Variants in TMED3 observed in about 807,000 individuals in gnomAD.
TMED3 encodes transmembrane emp24 domain-containing protein 3.
TMED3 carries 9 observed loss-of-function variants against 15.0 expected under a neutral mutation model. The observed-to-expected ratio is 0.60, with a 90% confidence interval of 0.36 to 1.04. The LOEUF (loss-of-function observed/expected upper bound fraction) is 1.04, where lower values mean the gene tolerates loss of function less well. TMED3 is among the 50% of genes least tolerant of loss of function. The probability of loss-of-function intolerance (pLI) is 0.01; values close to 1 mark genes in which losing one functional copy is unlikely to be tolerated. For synonymous variants in TMED3, 117 were observed against 121.4 expected, an observed-to-expected ratio of 0.96 and a Z score of 0.24; for missense variants, 267 against 278.9, an observed-to-expected ratio of 0.96 and a Z score of 0.30.
At chr15:79,389,811 G>T (rs1893674247) in intron 2 of TMED3, among the ~76,000 whole-genome samples, 1 of 152,026 alleles carries the variant, frequency 6.6e-6, no homozygotes, top group Non-Finnish European at 1.5e-5. Context: ...TGCCTCCTTA[G>T]TTGGGTATAT....
rs534912852 is a variant in TMED3, at chr15:79,349,551, G to A, written c.417+35546G>A. On this transcript the variant is annotated intron_variant, in intron 2 of 2. Transcript: ENST00000424155. The stretch of plus-strand genomic sequence containing the variant: ...AAAATTTAATTTAATTATCCTATTC[G>A]TCTCTCCCTAAAAACCTACCACTAC... Among the ~76,000 whole-genome samples, 25 of 152,060 alleles carry A rather than the reference G, an allele frequency of 1.6e-4. No individual in the cohort carries two copies. The South Asian group carries it at 1.7e-3, about 10-fold the overall frequency.
At chr15:79,319,766 G>A (rs562165216) in intron 2 of TMED3, among the ~76,000 whole-genome samples, 1 of 152,292 alleles carries the variant, frequency 6.6e-6, no homozygotes, top group South Asian at 2.1e-4. Flanking sequence ...TGGACAGGGG[G>A]CCCTTCCCTG....
downstream of TMED3, among the ~76,000 whole-genome samples, chr15:79,324,737 C>G (rs1024486922): frequency 6.6e-6 from 1 of 152,140 alleles, no homozygotes; most frequent in Non-Finnish European, 1.5e-5. Context: ...CTATTTGCAT[C>G]TGGATTTTCT....
At chr15:79,339,622 T>G (rs967700438) in intron 2 of TMED3, among the ~76,000 whole-genome samples, 2 of 152,094 alleles carry the variant, frequency 1.3e-5, no homozygotes, top group Non-Finnish European at 2.9e-5. Context: ...AGGGTGGCAG[T>G]GATGGTGGCG....
intron 2 of TMED3, among the ~76,000 whole-genome samples, chr15:79,331,452 T>G (rs944773672): frequency 1.4e-5 from 2 of 146,626 alleles, no homozygotes; most frequent in Non-Finnish European, 3.0e-5. Context: ...ATGTTAAAAC[T>G]ATTAGAAGAA....
intron 2 of TMED3, among the ~76,000 whole-genome samples, chr15:79,357,040 A>G (rs1019430585): frequency 1.6e-4 from 17 of 104,508 alleles, no homozygotes; most frequent in Non-Finnish European, 1.8e-4. Flanking sequence ...GAATATACAC[A>G]TAAACACAGT....
At position 79,321,990 on chromosome 15, in the gene TMED3, T is replaced by C; in HGVS notation, c.430T>C (p.Cys144Arg). ...VTALTQMESA[C>R]VTIHEALKTV... Reference sequence around the variant, plus strand: ...TCTTCCTGCCCAGATGGAGTCCGCCTGCGTGACCATCCATGAGGCTCTGAA... The same window carrying C: ...TCTTCCTGCCCAGATGGAGTCCGCCCGCGTGACCATCCATGAGGCTCTGAA... Residue 144 changes from cysteine to arginine, a missense_variant, in exon 3 of 3, where the codon TGC (cysteine) becomes CGC (arginine). By Grantham distance (180) the Cys-to-Arg change is radical. Coordinates refer to ENST00000299705, the MANE Select transcript of TMED3 (RefSeq NM_007364.4). 1 of 1,614,146 alleles carries C rather than the reference T, an allele frequency of 6.2e-7. No homozygotes were observed. The highest frequency in any genetic ancestry group is 8.5e-7 in the Non-Finnish European group (1 of 1,180,006).
At chr15:79,345,175 G>C (rs972552593) in intron 2 of TMED3, among the ~76,000 whole-genome samples, 1 of 152,080 alleles carries the variant, frequency 6.6e-6, no homozygotes, top group Non-Finnish European at 1.5e-5. Context: ...TTTAAGTTCA[G>C]GGGTACATGT....
At chr15:79,367,561 G>A (rs770029613) in intron 2 of TMED3, among the ~76,000 whole-genome samples, 39 of 152,138 alleles carry the variant, frequency 2.6e-4, no homozygotes, top group Non-Finnish European at 4.4e-4. Flanking sequence ...TTCCCAGAGC[G>A]TGCAAGCTCC....
intron 2 of TMED3, among the ~76,000 whole-genome samples, chr15:79,331,335 T>C (rs1033501635): frequency 1.3e-5 from 2 of 152,090 alleles, no homozygotes; most frequent in African/African-American, 4.8e-5. Context: ...TAAATGGTGC[T>C]GAAAAAACTG....
intron 2 of TMED3, among the ~76,000 whole-genome samples, chr15:79,352,550 G>A (rs2058894996): frequency 6.6e-6 from 1 of 151,390 alleles, no homozygotes; most frequent in Non-Finnish European, 1.5e-5. Context: ...TTTTCTTCCT[G>A]CACTTAAGCC....
Position 79,411,737 on chromosome 15 carries a change from C to T in TMED3, c.*233C>T, listed in dbSNP as rs1387480005. On this transcript the variant is annotated 3_prime_UTR_variant, in exon 3 of 3. Transcript: ENST00000424155. ...TGACCACCACAGACACTTGAGCTGGCAGGGAGAGTTGCTTGGAGAAGTGGT... is the reference window on the plus strand; with the variant it reads ...TGACCACCACAGACACTTGAGCTGGTAGGGAGAGTTGCTTGGAGAAGTGGT... 26 of 473,296 alleles carry T rather than the reference C, an allele frequency of 5.5e-5. No homozygotes were observed. The East Asian group carries it at 8.5e-4, about 16-fold the overall frequency. The allele number at this position is 473,296 out of a possible 1,614,324, so 29.3% of individuals were successfully genotyped here. A position where few individuals can be genotyped will look rare whatever the true frequency, so the allele number is the denominator to read the frequency against.
downstream of TMED3, among the ~76,000 whole-genome samples, chr15:79,324,443 A>G (rs1595888836): frequency 6.6e-6 from 1 of 152,364 alleles, no homozygotes; most frequent in East Asian, 1.9e-4. Flanking sequence ...ATGAAATGGA[A>G]GTATGACTCT....
intron 2 of TMED3, among the ~76,000 whole-genome samples, chr15:79,362,653 T>G (rs1200962152): frequency 6.6e-6 from 1 of 151,934 alleles, no homozygotes; most frequent in Non-Finnish European, 1.5e-5. Context: ...TGGGGGCAGG[T>G]TTTTCCTGTG....
chr15:79,373,372 T>G (rs1264927132), intron 2 of TMED3, among the ~76,000 whole-genome samples: 2 of 152,230 alleles, frequency 1.3e-5, no homozygotes, highest in Non-Finnish European at 2.9e-5. Flanking sequence ...TCAATTGTCT[T>G]CAACTGCAAA....
At chr15:79,314,287 G>A (rs776852395) in intron 2 of TMED3, among the ~76,000 whole-genome samples, 2 of 152,062 alleles carry the variant, frequency 1.3e-5, no homozygotes, top group African/African-American at 2.4e-5. Context: ...TACCACTTTC[G>A]AAGTACCTGT....
At chr15:79,387,941 A>G (rs1460721048) in intron 2 of TMED3, among the ~76,000 whole-genome samples, 1 of 152,142 alleles carries the variant, frequency 6.6e-6, no homozygotes, top group East Asian at 1.9e-4. Flanking sequence ...CAATTTTGCT[A>G]ATCTTTCTTA....
At chr15:79,353,311 ATATATAATATATATAATATATAT>A (rs2058904512) in intron 2 of TMED3, among the ~76,000 whole-genome samples, 1 of 48,634 alleles carries the variant, frequency 2.1e-5, no homozygotes, top group African/African-American at 5.3e-5. Context: ...TATATATTAT[ATATATAATATATATAATATATAT>A]TATGTATATA....
exon 3 of TMED3, chr15:79,413,662 A>T (rs1894026274): frequency 6.6e-6 from 1 of 152,238 alleles, no homozygotes; most frequent in African/African-American, 2.4e-5. Flanking sequence ...GAGCATGGGA[A>T]TAAACTTTAC....
Sources: gnomAD v4.1 joint callset for allele counts (sites outside exome capture counted in the v4.1 genomes callset) on GRCh38, gnomAD v4.1.1 for gene constraint, MANE v1.5 for transcripts, NCBI Gene and HGNC (gene_info 2026-07-23, HGNC 2026-07-21) for gene names.